MTUS2: variants seen among roughly 807,000 people sequenced by gnomAD.
The protein encoded by MTUS2 is microtubule associated scaffold protein 2.
Under a neutral mutation model 114.1 loss-of-function variants are expected in MTUS2, and 40 were observed. The observed-to-expected ratio is 0.35, with a 90% CI of 0.27 to 0.46. The LOEUF (loss-of-function observed/expected upper bound fraction) is 0.46, where lower values mean the gene tolerates loss of function less well. MTUS2 is among the 20% of genes least tolerant of loss of function. MTUS2 has a pLI of 1.00. For missense variants in MTUS2, 1,679 were observed against 1,705.4 expected, an observed-to-expected ratio of 0.98 and a Z score of 0.27; for synonymous variants, 688 against 672.0, an observed-to-expected ratio of 1.02 and a Z score of -0.37.
intron 5 of MTUS2, among the ~76,000 whole-genome samples, chr13:29,121,919 C>T (rs1891327564): frequency 6.6e-6 from 1 of 152,092 alleles, no homozygotes; most frequent in African/African-American, 2.4e-5. Flanking sequence ...CTCGGCCTCC[C>T]AACGTGCTGG....
chr13:29,187,061 G>A (rs1413197334), intron 5 of MTUS2, among the ~76,000 whole-genome samples: 1 of 152,000 alleles, frequency 6.6e-6, no homozygotes, highest in Non-Finnish European at 1.5e-5. Context: ...ATTTTGAGAT[G>A]AATGAAAATG....
chr13:29,203,118 C>T (rs1371792372), intron 5 of MTUS2, among the ~76,000 whole-genome samples: 1 of 152,226 alleles, frequency 6.6e-6, no homozygotes, highest in Non-Finnish European at 1.5e-5. Flanking sequence ...CACAGCTGCC[C>T]CTTTCCGCAG....
At chr13:29,117,305 A>G (rs1009501661) in intron 5 of MTUS2, among the ~76,000 whole-genome samples, 9 of 152,188 alleles carry the variant, frequency 5.9e-5, no homozygotes, top group African/African-American at 2.2e-4. Context: ...CTTCCAGTTA[A>G]GCATGCCCTG....
intron 7 of MTUS2, among the ~76,000 whole-genome samples, chr13:29,350,082 T>C (rs1869093920): frequency 6.6e-6 from 1 of 152,128 alleles, no homozygotes; most frequent in Non-Finnish European, 1.5e-5. Context: ...CTGTGTTTCA[T>C]TCTAGATAGT....
At chr13:29,253,688 A>G (rs949577703) in intron 5 of MTUS2, among the ~76,000 whole-genome samples, 1 of 152,194 alleles carries the variant, frequency 6.6e-6, no homozygotes, top group Non-Finnish European at 1.5e-5. Flanking sequence ...TCATACTGCT[A>G]TGAAGAAATA....
chr13:29,469,477 A>T (rs1013355451), intron 9 of MTUS2, among the ~76,000 whole-genome samples: 105 of 152,116 alleles, frequency 6.9e-4, no homozygotes, highest in East Asian at 1.9e-4. Flanking sequence ...AATACAAAAA[A>T]TTAGTTGGGC....
At chr13:29,079,422 T>G (rs552571476) in intron 4 of MTUS2, among the ~76,000 whole-genome samples, 1 of 152,278 alleles carries the variant, frequency 6.6e-6, no homozygotes, top group East Asian at 1.9e-4. Flanking sequence ...TTTGATGAAA[T>G]TCAACTTACC....
chr13:28,993,754 C>G (rs896102135), intron 2 of MTUS2, among the ~76,000 whole-genome samples: 1 of 151,962 alleles, frequency 6.6e-6, no homozygotes, highest in Admixed American at 6.6e-5. Flanking sequence ...TATTCCATTC[C>G]ATTGGTTTGT....
rs1040988135 is a variant in MTUS2 at position 28,937,011 on chromosome 13, G to C, written c.-242-87446G>C. 2.6e-5 allele frequency among the ~76,000 whole-genome samples: 4 copies of C among 152,156 alleles called. No individual in the cohort carries two copies. The East Asian group carries it at 7.7e-4, about 29-fold the overall frequency. On this transcript the variant is annotated intron_variant, in intron 2 of 15. Coordinates refer to ENST00000612955, the MANE Select transcript of MTUS2 (RefSeq NM_001033602.4). ...ACTGCTGGGGTTGTGGAGGAAATAGGGGCAGAATTTGATTTGAAGGATTAT... is the reference window on the plus strand; with the variant it reads ...ACTGCTGGGGTTGTGGAGGAAATAGCGGCAGAATTTGATTTGAAGGATTAT...
chr13:29,309,662 CACAA>C (rs1899658974), intron 6 of MTUS2, among the ~76,000 whole-genome samples: 2 of 152,130 alleles, frequency 1.3e-5, no homozygotes, highest in African/African-American at 4.8e-5. Flanking sequence ...TTTTGAGTGA[CACAA>C]ACATTCAGAC....
intron 5 of MTUS2, among the ~76,000 whole-genome samples, chr13:29,266,228 C>T (rs1897662626): frequency 6.6e-6 from 1 of 152,148 alleles, no homozygotes; most frequent in South Asian, 2.1e-4. Context: ...TTTCATACAA[C>T]AATTCCAATA....
chr13:29,296,205 G>A (rs933650598), intron 6 of MTUS2, among the ~76,000 whole-genome samples: 4 of 150,976 alleles, frequency 2.6e-5, no homozygotes, highest in Admixed American at 2.6e-4. Context: ...GTTTTTGTTT[G>A]TTTGTTTGTT....
chr13:29,369,769 T>C (rs1455564767), intron 8 of MTUS2, among the ~76,000 whole-genome samples: 1 of 152,224 alleles, frequency 6.6e-6, no homozygotes, highest in Non-Finnish European at 1.5e-5. Flanking sequence ...GACAGTATTC[T>C]CTTGAGAACA....
At chr13:29,382,762 T>C (rs4417412) in intron 8 of MTUS2, among the ~76,000 whole-genome samples, 115,758 of 152,168 alleles carry the variant, frequency 0.76, 44,184 homozygotes, top group Admixed American at 0.83. Context: ...AGCACTTTCC[T>C]TTACGGAATT....
chr13:28,892,742 C>T (rs1034488634), intron 2 of MTUS2, among the ~76,000 whole-genome samples: 2 of 152,108 alleles, frequency 1.3e-5, no homozygotes, highest in Non-Finnish European at 2.9e-5. Context: ...ATGTAAAACA[C>T]ATTGCCCAGC....
At chr13:29,239,544 A>G (rs896327384) in intron 5 of MTUS2, 14 of 152,204 alleles carry the variant, frequency 9.2e-5, no homozygotes, top group African/African-American at 3.4e-4. Context: ...CTTATTGGGA[A>G]TGTATTACAG....
At chr13:29,390,530 A>G (rs973033232) in intron 8 of MTUS2, among the ~76,000 whole-genome samples, 1 of 150,896 alleles carries the variant, frequency 6.6e-6, no homozygotes, top group Non-Finnish European at 1.5e-5. Flanking sequence ...GCACGTGCCT[A>G]TTATCCCAGC....
In MTUS2 at chr13:29,153,651, A is replaced by G. The variant is rs960080112; in HGVS notation, c.2644+52681A>G. On this transcript the variant is annotated intron_variant, in intron 5 of 15. Coordinates refer to ENST00000612955, the MANE Select transcript of MTUS2 (RefSeq NM_001033602.4). ...CTATGGGCTCAATTACACACTGCCC[A>G]TCTCCAGTTCTCCCCTTGGCTCTTG... is the stretch of plus-strand genomic sequence containing the variant. 4.6e-5 allele frequency among the ~76,000 whole-genome samples: 7 copies of G among 152,186 alleles called. No homozygotes were observed. In the East Asian group the frequency reaches 1.2e-3, roughly 25 times the overall value.
At chr13:29,192,531 T>C (rs1402907766) in intron 5 of MTUS2, among the ~76,000 whole-genome samples, 1 of 152,076 alleles carries the variant, frequency 6.6e-6, no homozygotes, top group Non-Finnish European at 1.5e-5. Flanking sequence ...CAGTTTCAAA[T>C]AGAAGGAAGA....
Sources: allele counts gnomAD v4.1 joint callset (sites outside exome capture counted in the v4.1 genomes callset), GRCh38; gene constraint gnomAD v4.1.1; transcripts MANE v1.5; gene names NCBI Gene and HGNC (gene_info 2026-07-23, HGNC 2026-07-21).